MSH6: variants seen among roughly 807,000 people sequenced by gnomAD.
MSH6 encodes the protein mutS homolog 6, also known as DNA mismatch repair protein Msh6.
MSH6 carries 85 observed loss-of-function variants against 119.1 expected under a neutral mutation model. That is an observed-to-expected ratio of 0.71 (90% CI 0.60 to 0.85). MSH6 has a LOEUF of 0.85. Among genes scored for constraint, MSH6 ranks in the 40% least tolerant of loss-of-function variants. MSH6 has a pLI of 0.00. For missense variants in MSH6, 2,163 were observed against 1,655.3 expected, an observed-to-expected ratio of 1.31 and a Z score of -5.32; for synonymous variants, 830 against 586.9, an observed-to-expected ratio of 1.41 and a Z score of -5.99.
chr2:47,807,037 A>G, downstream of MSH6: 1 of 623,372 alleles, frequency 1.6e-6, no homozygotes, highest in East Asian at 2.8e-5. Context: ...ATACTCCACA[A>G]TATATTAAGT....
In MSH6 at chr2:47,795,479, T is replaced by TC. The variant is rs1193958571; in HGVS notation, c.458-414dup. On this transcript the variant is annotated intron_variant, in intron 2 of 9. Transcript: ENST00000234420. The stretch of plus-strand genomic sequence containing the variant: ...ATATATACATTTTTTTTTTTTTTTT[T>TC]CATCGAGACAGGGTCTTGCACTGTC... 5.3e-5 allele frequency among the ~76,000 whole-genome samples: 8 copies of TC among 150,338 alleles called. No individual in the cohort carries two copies. The East Asian group carries it at 1.4e-3, about 26-fold the overall frequency.
intron 3 of MSH6, among the ~76,000 whole-genome samples, chr2:47,797,176 A>G (rs1052898099): frequency 3.9e-5 from 6 of 152,128 alleles, no homozygotes; most frequent in Non-Finnish European, 5.9e-5. Context: ...GCCTAAGACA[A>G]TTCTTCCAGT....
In MSH6 at chr2:47,783,320, C is replaced by G. The variant is rs778354962; in HGVS notation, c.87C>G (p.Arg29=). The part of the protein sequence containing the change: ...DANKASARAS[R]EGGRAAAAPG... ...ACAAGGCCTCGGCCAGGGCCTCACG[C>G]GAAGGCGGCCGTGCCGCCGCTGCCC... is the stretch of plus-strand genomic sequence containing the variant. The change falls in exon 1 of 10, where the codon CGC becomes CGG. Residue 29 remains arginine, a synonymous_variant. Transcript: ENST00000234420. The G allele has an allele frequency of 1.2e-5, 19 of 1,610,752 alleles. No individual in the cohort carries two copies. Among genetic ancestry groups the G allele is most frequent in the Admixed American group, 1.7e-5 (1 of 59,910 alleles).
rs1553412354 is a variant in MSH6 at position 47,798,906 on chromosome 2, G to C, written c.923G>C (p.Gly308Ala). 6.2e-7 allele frequency: 1 copy of C among 1,614,142 alleles called. No homozygotes were observed. Among genetic ancestry groups the C allele is most frequent in the South Asian group, 1.1e-5 (1 of 91,072 alleles). Residue 308 changes from glycine to alanine, a missense_variant, in exon 4 of 10, where the codon GGC becomes GCC. Coordinates refer to ENST00000234420, the MANE Select transcript of MSH6 (RefSeq NM_000179.3). ...CGGAAGAGAATGGTGACTGGAAATGGCTCTCTTAAAAGGAAAAGCTCTAGG... is the reference window on the plus strand; with the variant it reads ...CGGAAGAGAATGGTGACTGGAAATGCCTCTCTTAAAAGGAAAAGCTCTAGG... Reference protein sequence around the residue: ...RKRKRMVTGNGSLKRKSSRKE... With the variant: ...RKRKRMVTGNASLKRKSSRKE...
chr2:47,791,020 A>G lies in MSH6; in HGVS notation c.354A>G (p.Thr118=), dbSNP rs558590898. The change falls in exon 2 of 10, where the codon ACA becomes ACG. Residue 118 remains threonine (T), a synonymous_variant. Coordinates refer to ENST00000234420, the MANE Select transcript of MSH6 (RefSeq NM_000179.3). Reference sequence around the variant, plus strand: ...TTTACAACCACCCCTTTGATGGAACATTCATCCGCGAGAAAGGGAAATCAG... The same window carrying G: ...TTTACAACCACCCCTTTGATGGAACGTTCATCCGCGAGAAAGGGAAATCAG... ...CLVYNHPFDG[T]FIREKGKSVR... 36 of 1,614,216 alleles carry G rather than the reference A, an allele frequency of 2.2e-5. No homozygotes were observed. The highest frequency in any genetic ancestry group is 4.5e-5 in the East Asian group (2 of 44,890).
chr2:47,795,168 T>G (rs1572714967), intron 2 of MSH6, among the ~76,000 whole-genome samples: 1 of 152,206 alleles, frequency 6.6e-6, no homozygotes, highest in Non-Finnish European at 1.5e-5. Flanking sequence ...CCTACCTGTT[T>G]AGGGCTGTAG....
downstream of MSH6, chr2:47,809,082 A>G (rs571861240): frequency 3.3e-6 from 3 of 920,014 alleles, no homozygotes; most frequent in East Asian, 7.6e-5. Flanking sequence ...CAAATAGCCA[A>G]AAATGCTAGG....
intron 2 of MSH6, among the ~76,000 whole-genome samples, chr2:47,795,121 C>G (rs1169224308): frequency 6.6e-6 from 1 of 151,978 alleles, no homozygotes; most frequent in Non-Finnish European, 1.5e-5. Flanking sequence ...ATTCTCAAAC[C>G]TCTTTTAAAT....
At position 47,794,737 on chromosome 2, in the gene MSH6, A is replaced by G. The variant is rs1027474381; in HGVS notation, c.458-1157A>G. ...ATCTGATCTAGTTGTCTTTGGGACA[A>G]ACTCATATTTAATATCATAGCTGCA... On this transcript the variant is annotated intron_variant, in intron 2 of 9. Transcript: ENST00000234420. Among the ~76,000 whole-genome samples the G allele has an allele frequency of 4.6e-5, 7 of 152,216 alleles. No individual in the cohort carries two copies. In the East Asian group the frequency reaches 1.2e-3, roughly 25 times the overall value.
intron 5 of MSH6, 55 bp from the exon 6 acceptor site, chr2:47,804,855 G>A: frequency 7.3e-7 from 1 of 1,370,036 alleles, no homozygotes; most frequent in Non-Finnish European, 1.0e-6. Flanking sequence ...AAAGACAAAA[G>A]TTTATGAAAC....
intron 5 of MSH6, 85 bp from the exon 6 acceptor site, chr2:47,804,825 C>G: frequency 3.9e-6 from 4 of 1,021,688 alleles, no homozygotes; most frequent in Non-Finnish European, 6.2e-6. Flanking sequence ...GTGCCTAGCT[C>G]TTACGTAAGG....
chr2:47,803,674 C>A lies in MSH6; in HGVS notation c.3427C>A (p.Leu1143Ile). 6.2e-7 allele frequency: 1 copy of A among 1,614,146 alleles called. No homozygotes were observed. Among genetic ancestry groups the A allele is most frequent in the South Asian group, 1.1e-5 (1 of 91,070 alleles). ...TGPNMGGKST[L>I]MRQAGLLAVM... ...ACCAAATATGGGGGGCAAGTCTACGCTTATGAGACAGGTAACTGATTCTTA... is the reference window on the plus strand; with the variant it reads ...ACCAAATATGGGGGGCAAGTCTACGATTATGAGACAGGTAACTGATTCTTA... Residue 1143 changes from leucine to isoleucine, a missense_variant, in exon 5 of 10, where the codon CTT becomes ATT. Physicochemically the swap from Leu to Ile is conservative, Grantham distance 5. Transcript: ENST00000234420.
In MSH6 at chr2:47,799,474, A is replaced by G. The variant is rs752024609; in HGVS notation, c.1491A>G (p.Arg497=). The G allele has an allele frequency of 6.2e-7, 1 of 1,614,172 alleles. No homozygotes were observed. The highest frequency in any genetic ancestry group is 1.1e-5 in the South Asian group (1 of 91,078). The change falls in exon 4 of 10, where the codon AGA becomes AGG. Residue 497 remains arginine (R), a synonymous_variant. Coordinates refer to ENST00000234420, the MANE Select transcript of MSH6 (RefSeq NM_000179.3). ...ETPEMMEARC[R]KMAHISKYDR... Reference sequence around the variant, plus strand: ...CAGAAATGATGGAGGCACGATGTAGAAAGATGGCACATATATCCAAGTATG... The same window carrying G: ...CAGAAATGATGGAGGCACGATGTAGGAAGATGGCACATATATCCAAGTATG...
chr2:47,805,181 C>G (rs906272471), intron 6 of MSH6, among the ~76,000 whole-genome samples, 154 bp downstream of exon 6: 2 of 148,344 alleles, frequency 1.3e-5, no homozygotes, highest in Admixed American at 1.3e-4. Flanking sequence ...TAGTCTCTCT[C>G]TCTTTTTTTT....
rs759737160 is a variant in MSH6 at position 47,798,577 on chromosome 2, A to G, written c.628-34A>G. 5.0e-6 allele frequency: 8 copies of G among 1,601,840 alleles called. No individual in the cohort carries two copies. In the East Asian group the frequency reaches 1.6e-4, roughly 31 times the overall value. Reference sequence around the variant, plus strand: ...TTACATTATGGTTTTCCAAATTTTGATTTGTTTTTAAATACTCTTTCCTTG... The same window carrying G: ...TTACATTATGGTTTTCCAAATTTTGGTTTGTTTTTAAATACTCTTTCCTTG... On this transcript the variant is annotated intron_variant, in intron 3 of 9. Transcript: ENST00000234420.
In MSH6 at chr2:47,788,906, CCT is replaced by C. The variant is rs1388440829; in HGVS notation, c.261-2020_261-2019del. ...GCTATTTCTTTCTTTCTTTCTTCTTCCTTTTTTTTTTTTTTGTTTTTTTTTTT... is the reference window on the plus strand; with the variant it reads ...GCTATTTCTTTCTTTCTTTCTTCTTCTTTTTTTTTTTTTGTTTTTTTTTTT... On this transcript the variant is annotated intron_variant, in intron 1 of 9. Coordinates refer to ENST00000234420, the MANE Select transcript of MSH6 (RefSeq NM_000179.3). 3.5e-3 allele frequency among the ~76,000 whole-genome samples: 55 copies of C among 15,828 alleles called. 3 individuals are homozygous for C. The highest frequency in any genetic ancestry group is 0.12 in the Middle Eastern group (1 of 8). The allele number at this position is 15,828 out of a possible 152,430, so 10.4% of individuals were successfully genotyped here.
intron 4 of MSH6, 65 bp from the exon 5 acceptor site, chr2:47,803,355 T>TA: frequency 1.9e-6 from 3 of 1,606,076 alleles, no homozygotes; most frequent in East Asian, 4.5e-5. Flanking sequence ...AGAAGACCTA[T>TA]AAAACACTTA....
In MSH6 at chr2:47,806,276, A is replaced by G. The variant is rs1553333057; in HGVS notation, c.3719A>G (p.Lys1240Arg). Residue 1240 changes from lysine (K) to arginine (R), a missense_variant, in exon 8 of 10, where the codon AAA becomes AGA. Lys to Arg is a conservative substitution (Grantham distance 26). Transcript: ENST00000234420. ...GTTAAAGAACTTGCTGAGACTATAA[A>G]ATGTCGTACATTATTTTCAACTCAC... is the stretch of plus-strand genomic sequence containing the variant. Reference protein sequence around the residue: ...AVVKELAETIKCRTLFSTHYH... With the variant: ...AVVKELAETIRCRTLFSTHYH... 1 of 1,614,108 alleles carries G rather than the reference A, an allele frequency of 6.2e-7. No homozygotes were observed. Among genetic ancestry groups the G allele is most frequent in the Non-Finnish European group, 8.5e-7 (1 of 1,179,972 alleles).
downstream of MSH6, chr2:47,808,877 TG>T: frequency 3.3e-6 from 1 of 305,448 alleles, no homozygotes; most frequent in Non-Finnish European, 6.0e-6. Flanking sequence ...TGTTTTGTTT[TG>T]TAGAGACAGG....
Sources: allele counts gnomAD v4.1 joint callset (sites outside exome capture counted in the v4.1 genomes callset), GRCh38; gene constraint gnomAD v4.1.1; transcripts MANE v1.5; gene names NCBI Gene and HGNC (gene_info 2026-07-23, HGNC 2026-07-21).